The following CNTNAP5 variants were observed in gnomAD, a reference collection of about 807,000 sequenced individuals.
CNTNAP5 encodes the protein contactin associated protein family member 5.
A neutral mutation model predicts 150.2 loss-of-function variants in CNTNAP5; 72 were observed. The ratio of observed to expected loss-of-function variants is 0.48; its 90% CI spans 0.40 to 0.58. The LOEUF is 0.58. Among genes scored for constraint, CNTNAP5 ranks in the 20% least tolerant of loss-of-function variants. The probability of loss-of-function intolerance (pLI) is 0.00; values close to 1 mark genes in which losing one functional copy is unlikely to be tolerated. For missense variants in CNTNAP5, 1,636 were observed against 1,626.2 expected, an observed-to-expected ratio of 1.01 and a Z score of -0.10; for synonymous variants, 672 against 619.8, an observed-to-expected ratio of 1.08 and a Z score of -1.25.
At chr2:124,096,514 T>C (rs1682936689) in intron 1 of CNTNAP5, among the ~76,000 whole-genome samples, 1 of 152,142 alleles carries the variant, frequency 6.6e-6, no homozygotes, top group Non-Finnish European at 1.5e-5. Flanking sequence ...CTTCATATTC[T>C]ATGACACAAA....
chr2:124,340,427 T>C (rs1457276537), intron 3 of CNTNAP5, among the ~76,000 whole-genome samples: 1 of 152,036 alleles, frequency 6.6e-6, no homozygotes, highest in Non-Finnish European at 1.5e-5. Flanking sequence ...AAATGGGATA[T>C]GTAGGCAGTT....
At chr2:124,454,117 A>G (rs1693057151) in intron 6 of CNTNAP5, among the ~76,000 whole-genome samples, 1 of 152,202 alleles carries the variant, frequency 6.6e-6, no homozygotes, top group African/African-American at 2.4e-5. Flanking sequence ...CAGAATGGAT[A>G]AGAGTTCACC....
At chr2:124,062,893 A>G (rs1682051887) in intron 1 of CNTNAP5, among the ~76,000 whole-genome samples, 1 of 152,128 alleles carries the variant, frequency 6.6e-6, no homozygotes, top group Non-Finnish European at 1.5e-5. Flanking sequence ...CACAGCAGTC[A>G]TATTTATCTC....
At chr2:124,571,060 A>G (rs557388323) in intron 11 of CNTNAP5, among the ~76,000 whole-genome samples, 1 of 152,352 alleles carries the variant, frequency 6.6e-6, no homozygotes, top group Admixed American at 6.5e-5. Flanking sequence ...GAGTAAAACA[A>G]TCTTATTTAG....
chr2:124,227,162 G>A (rs1010665282), intron 2 of CNTNAP5, among the ~76,000 whole-genome samples: 26 of 152,102 alleles, frequency 1.7e-4, no homozygotes, highest in African/African-American at 5.5e-4. Context: ...GAGTGTGCTG[G>A]GCATTTCTCC....
At chr2:124,045,008 TAAA>T (rs1354812046) in intron 1 of CNTNAP5, among the ~76,000 whole-genome samples, 3 of 151,860 alleles carry the variant, frequency 2.0e-5, no homozygotes, top group Non-Finnish European at 4.4e-5. Flanking sequence ...GTGTATATCT[TAAA>T]AAATACAAAT....
chr2:124,203,666 C>T (rs559060362), intron 1 of CNTNAP5, among the ~76,000 whole-genome samples: 1 of 152,342 alleles, frequency 6.6e-6, no homozygotes, highest in African/African-American at 2.4e-5. Context: ...AGGTACAACA[C>T]CAGATGTGAG....
rs1219635283 is a variant in CNTNAP5 at position 124,534,289 on chromosome 2, T to C, written c.1649+6833T>C. Among the ~76,000 whole-genome samples the C allele has an allele frequency of 2.0e-5, 3 of 152,056 alleles. No homozygotes were observed. The East Asian group carries it at 5.8e-4, about 29-fold the overall frequency. ...CAATAAAAAATTTGGAGTGACTCCA[T>C]GGAGTAAAGTGAAAGCAAGTTTATT... On this transcript the variant is annotated intron_variant, in intron 10 of 23. Transcript: ENST00000682447.
At chr2:124,237,404 C>A (rs1461706309) in intron 2 of CNTNAP5, among the ~76,000 whole-genome samples, 1 of 152,140 alleles carries the variant, frequency 6.6e-6, no homozygotes, top group Non-Finnish European at 1.5e-5. Flanking sequence ...ACTGGTTATT[C>A]TGCTTCATGC....
intron 3 of CNTNAP5, among the ~76,000 whole-genome samples, chr2:124,245,581 CTG>C (rs35056317): frequency 0.015 from 2,255 of 148,200 alleles, 56 homozygotes; most frequent in African/African-American, 0.052. Flanking sequence ...ACATATATAT[CTG>C]TGTGTGTGTG....
chr2:124,104,885 T>G (rs1170315938), intron 1 of CNTNAP5, among the ~76,000 whole-genome samples: 1 of 152,192 alleles, frequency 6.6e-6, no homozygotes, highest in Non-Finnish European at 1.5e-5. Context: ...TATTTGTTTT[T>G]GAGTAATTAA....
At chr2:124,140,217 C>T (rs1684082680) in intron 1 of CNTNAP5, among the ~76,000 whole-genome samples, 1 of 149,876 alleles carries the variant, frequency 6.7e-6, no homozygotes, top group Non-Finnish European at 1.5e-5. Context: ...GGGGGAGGGG[C>T]GCCCGCCATT....
intron 9 of CNTNAP5, among the ~76,000 whole-genome samples, 197 bp from the exon 10 acceptor site, chr2:124,527,088 G>C (rs1374877097): frequency 6.6e-6 from 1 of 152,104 alleles, no homozygotes; most frequent in Non-Finnish European, 1.5e-5. Context: ...TTTCTCTACA[G>C]TGATGGAGTA....
intron 1 of CNTNAP5, among the ~76,000 whole-genome samples, chr2:124,175,119 T>C (rs1344975682): frequency 6.6e-6 from 1 of 152,204 alleles, no homozygotes; most frequent in East Asian, 1.9e-4. Context: ...ATGTGTATGA[T>C]TATCTTTATT....
chr2:124,034,011 C>G (rs895680657), intron 1 of CNTNAP5, among the ~76,000 whole-genome samples: 3 of 152,052 alleles, frequency 2.0e-5, no homozygotes, highest in African/African-American at 7.2e-5. Flanking sequence ...CAGGGATGTT[C>G]TAGGTGTGCA....
chr2:124,811,708 G>GGC, intron 19 of CNTNAP5, among the ~76,000 whole-genome samples: 1 of 149,610 alleles, frequency 6.7e-6, no homozygotes, highest in East Asian at 2.0e-4. Context: ...TTAGGAGGCG[G>GGC]GGGGGGTGGA....
rs141324045 is a variant in CNTNAP5 at position 124,903,597 on chromosome 2, C to T, written c.3655+497C>T. 8.5e-5 allele frequency among the ~76,000 whole-genome samples: 13 copies of T among 152,248 alleles called. No homozygotes were observed. The East Asian group carries it at 2.5e-3, about 29-fold the overall frequency. On this transcript the variant is annotated intron_variant, in intron 22 of 23. Transcript: ENST00000682447. ...GATAAACATGCGCATTGTGTAATTA[C>T]TATCACAATTAAATTAATCAACACA... is the stretch of plus-strand genomic sequence containing the variant.
At chr2:124,655,999 A>AAAGAAGGAAGGAAGG (rs1317556643) in intron 13 of CNTNAP5, among the ~76,000 whole-genome samples, 53 of 90,602 alleles carry the variant, frequency 5.8e-4, no homozygotes, top group Middle Eastern at 5.7e-3. Context: ...AAGAAAGAAA[A>AAAGAAGGAAGGAAGG]AAGGAAGGAA....
At chr2:124,392,686 C>CA (rs1491167528) in intron 3 of CNTNAP5, among the ~76,000 whole-genome samples, 1 of 37,140 alleles carries the variant, frequency 2.7e-5, no homozygotes, top group Non-Finnish European at 4.6e-5. Context: ...TTTTTCTTTG[C>CA]CAAAAAAAAA....
Sources: allele counts gnomAD v4.1 joint callset (sites outside exome capture counted in the v4.1 genomes callset), GRCh38; gene constraint gnomAD v4.1.1; transcripts MANE v1.5; gene names NCBI Gene and HGNC (gene_info 2026-07-23, HGNC 2026-07-21).